MOV10L1: variants seen among roughly 807,000 people sequenced by gnomAD.
The protein encoded by MOV10L1 is Mov10 like RNA helicase 1.
A neutral mutation model predicts 143.8 loss-of-function variants in MOV10L1; 110 were observed. The observed-to-expected ratio is 0.76, with a 90% CI of 0.66 to 0.90. The LOEUF (loss-of-function observed/expected upper bound fraction) is 0.90. MOV10L1 is among the 40% of genes least tolerant of loss of function. The probability of loss-of-function intolerance (pLI) is 0.00; values close to 1 mark genes in which losing one functional copy is unlikely to be tolerated. For missense variants in MOV10L1, 1,406 were observed against 1,526.8 expected, an observed-to-expected ratio of 0.92 and a Z score of 1.32; for synonymous variants, 593 against 581.1, an observed-to-expected ratio of 1.02 and a Z score of -0.29.
chr22:50,122,630 G>A (rs973136955), intron 10 of MOV10L1, among the ~76,000 whole-genome samples: 1 of 152,136 alleles, frequency 6.6e-6, no homozygotes, highest in African/African-American at 2.4e-5. Context: ...GGAAGTTCCT[G>A]ATCTTATGGG....
Position 50,114,398 on chromosome 22 carries a change from C to T in MOV10L1, c.902C>T (p.Pro301Leu). The T allele has an allele frequency of 3.1e-6, 5 of 1,613,990 alleles. 1 individual carries two copies. The Middle Eastern group carries it at 6.6e-4, about 213-fold the overall frequency. Residue 301 changes from proline (P) to leucine (L), a missense_variant, in exon 7 of 27, where the codon CCT becomes CTT. By Grantham distance (98) the Pro-to-Leu change is moderately conservative. Transcript: ENST00000262794. ...TTTTCCAGGAATAAAGGAGACATTCCTCAAAACTTAGTCAGCTGTAAACTG... is the reference window on the plus strand; with the variant it reads ...TTTTCCAGGAATAAAGGAGACATTCTTCAAAACTTAGTCAGCTGTAAACTG... ...VIWIENKGDI[P>L]QNLVSCKLAG...
chr22:50,130,948 G>C (rs181665182), intron 13 of MOV10L1, among the ~76,000 whole-genome samples: 1 of 152,138 alleles, frequency 6.6e-6, no homozygotes, highest in Admixed American at 6.5e-5. Flanking sequence ...CCAGGCTGGA[G>C]TGCAGTGGCA....
At position 50,126,367 on chromosome 22, in the gene MOV10L1, C is replaced by T. The variant is rs2062506656; in HGVS notation, c.1818+95C>T. ...TCCCCACGGCTCTTGGGGAGATGCT[C>T]CCATATGCATTGGCTATTTTGGAAA... On this transcript the variant is annotated intron_variant, in intron 12 of 26. Transcript: ENST00000262794. 4 of 830,046 alleles carry T rather than the reference C, an allele frequency of 4.8e-6. No homozygotes were observed. In the Admixed American group the frequency reaches 1.0e-4, roughly 21 times the overall value. The allele number at this position is 830,046 out of a possible 1,614,324, so 51.4% of individuals were successfully genotyped here.
intron 19 of MOV10L1, among the ~76,000 whole-genome samples, chr22:50,148,584 G>A (rs1380144869): frequency 6.6e-6 from 1 of 152,256 alleles, no homozygotes; most frequent in Non-Finnish European, 1.5e-5. Flanking sequence ...GGGCTGCTCT[G>A]TAGCTGGGAA....
Position 50,112,386 on chromosome 22 carries a change from C to G in MOV10L1, c.744-1262C>G, listed in dbSNP as rs188203951. On this transcript the variant is annotated intron_variant, in intron 5 of 26. Coordinates refer to ENST00000262794, the MANE Select transcript of MOV10L1 (RefSeq NM_018995.3). The stretch of plus-strand genomic sequence containing the variant: ...ACTCCTCAGGCTTCCTGTCTGTTCT[C>G]TGACCTCATCCCCAGGCAGAAGCTG... 2.1e-3 allele frequency among the ~76,000 whole-genome samples: 318 copies of G among 152,336 alleles called. No individual in the cohort carries two copies. In the Middle Eastern group the frequency reaches 0.024, roughly 11 times the overall value.
At chr22:50,095,540 T>A (rs1166353047) in intron 2 of MOV10L1, 1 of 152,208 alleles carries the variant, frequency 6.6e-6, no homozygotes, top group Non-Finnish European at 1.5e-5. Flanking sequence ...AGAGATGATG[T>A]TTACCTCATT....
intron 5 of MOV10L1, among the ~76,000 whole-genome samples, chr22:50,109,505 T>TA (rs1353833322): frequency 3.3e-5 from 5 of 150,812 alleles, no homozygotes; most frequent in Non-Finnish European, 5.9e-5. Context: ...CCGTGTCTAC[T>TA]AAAAAAATAC....
chr22:50,125,155 C>T (rs554598383), intron 10 of MOV10L1, among the ~76,000 whole-genome samples: 14 of 152,268 alleles, frequency 9.2e-5, no homozygotes, highest in Non-Finnish European at 1.5e-4. Flanking sequence ...GGAGGGACAC[C>T]GCCAGCTGGA....
chr22:50,136,100 A>G (rs751928514), intron 15 of MOV10L1, among the ~76,000 whole-genome samples: 4 of 152,214 alleles, frequency 2.6e-5, no homozygotes, highest in African/African-American at 4.8e-5. Context: ...AAATACGACA[A>G]ATGAAGCAGC....
intron 9 of MOV10L1, 55 bp downstream of exon 9, chr22:50,117,406 A>G: frequency 6.3e-7 from 1 of 1,579,670 alleles, no homozygotes; most frequent in Non-Finnish European, 8.6e-7. Flanking sequence ...TCTGTGAAGG[A>G]AAAGCGGACG....
rs1230259895 is a variant in MOV10L1 at position 50,142,250 on chromosome 22, G to A, written c.2179+61G>A. ...CTGAGACTGTCGCCTGGAAAACGGGGACTTTGAGGAGTGGGCTCTCATGCA... is the reference window on the plus strand; with the variant it reads ...CTGAGACTGTCGCCTGGAAAACGGGAACTTTGAGGAGTGGGCTCTCATGCA... On this transcript the variant is annotated intron_variant, in intron 16 of 26. Transcript: ENST00000262794. 6.4e-6 allele frequency: 9 copies of A among 1,399,052 alleles called. No homozygotes were observed. The South Asian group carries it at 8.9e-5, about 14-fold the overall frequency. 86.7% of individuals were successfully genotyped at this position (1,399,052 alleles called of 1,614,324 possible). A position where few individuals can be genotyped will look rare whatever the true frequency, so the allele number is the denominator to read the frequency against.
chr22:50,144,828 G>C (rs71316586), intron 18 of MOV10L1, among the ~76,000 whole-genome samples: 13 of 152,046 alleles, frequency 8.6e-5, no homozygotes, highest in Non-Finnish European at 1.6e-4. Flanking sequence ...TGATCTGCCC[G>C]CCTCGGCCTC....
chr22:50,149,601 C>T lies in MOV10L1; in HGVS notation c.2628-14C>T. The T allele has an allele frequency of 1.2e-6, 2 of 1,613,238 alleles. No individual in the cohort carries two copies. On this transcript the variant is annotated splice_polypyrimidine_tract_variant and intron_variant, in intron 19 of 26. Transcript: ENST00000262794. ...ATTCGGCAGAAATTACCATTTAGAA[C>T]ATCTTTGCTCTAGAGTTGGGCACTT...
chr22:50,158,432 T>C lies in MOV10L1; in HGVS notation c.3216+226T>C. On this transcript the variant is annotated intron_variant, in intron 23 of 26. Coordinates refer to ENST00000262794, the MANE Select transcript of MOV10L1 (RefSeq NM_018995.3). The surrounding 1 kb of genome is among the most constrained non-coding windows in gnomAD (Gnocchi z 5.0). The stretch of plus-strand genomic sequence containing the variant: ...TTTCTACGGCCAGAGCCTCGAACAG[T>C]TTTTACATTTCTAAATGGTTACATT... The C allele has an allele frequency of 1.9e-6, 1 of 537,750 alleles. No individual in the cohort carries two copies. 33.3% of individuals were successfully genotyped at this position (537,750 alleles called of 1,614,324 possible).
rs540038775 is a variant in MOV10L1 at position 50,092,159 on chromosome 22, G to A, written c.256G>A (p.Val86Met). 22 of 1,614,010 alleles carry A rather than the reference G, an allele frequency of 1.4e-5. No homozygotes were observed. Among genetic ancestry groups the A allele is most frequent in the Admixed American group, 6.7e-5 (4 of 59,982 alleles). Reference protein sequence around the residue: ...EVIAVVEENKVSNGLKAIRVE... With the variant: ...EVIAVVEENKMSNGLKAIRVE... ...GATTGCAGTTGTGGAAGAAAATAAA[G>A]TGTCCAATGGACTGAAAGCAATCAG... Residue 86 changes from valine to methionine, a missense_variant, in exon 2 of 27, where the codon GTG becomes ATG. By Grantham distance (21) the Val-to-Met change is conservative (BLOSUM62 1). This residue lies in a region of MOV10L1 where 166 missense variants were observed against 153.9 expected (regional missense o/e 1.08). Transcript: ENST00000262794.
intron 11 of MOV10L1, 92 bp downstream of exon 11, chr22:50,125,661 C>A: frequency 2.4e-6 from 3 of 1,248,074 alleles, no homozygotes; most frequent in Non-Finnish European, 2.2e-6. Context: ...ATGACAGTCA[C>A]ATTATCGCAT....
intron 2 of MOV10L1, chr22:50,096,296 AT>A (rs2062587523): frequency 6.6e-6 from 1 of 152,206 alleles, no homozygotes; most frequent in Non-Finnish European, 1.5e-5. Context: ...TGTTTTCAAG[AT>A]TTGCCCATGT....
chr22:50,108,127 C>CGGTT lies in MOV10L1; in HGVS notation c.443-8_443-5dup, dbSNP rs1279564592. On this transcript the variant is annotated splice_polypyrimidine_tract_variant and intron_variant, in intron 3 of 26. Transcript: ENST00000262794. ...AACACTACCATGGCTTTTTTCCTGG[C>CGGTT]GGTTTTAGGCTTCGAGCCCTGCAAG... is the stretch of plus-strand genomic sequence containing the variant. 4 of 1,610,722 alleles carry CGGTT rather than the reference C, an allele frequency of 2.5e-6. No homozygotes were observed. In the African/African-American group the frequency reaches 5.4e-5, roughly 22 times the overall value.
Position 50,142,151 on chromosome 22 carries a change from C to T in MOV10L1, c.2141C>T (p.Pro714Leu), listed in dbSNP as rs183269282. ...AGGCGTGTTGGTGACAAGGACCTGC[C>T]GGTGCTGGCACCCTTTACTGCAGAG... The part of the protein sequence containing the change: ...EERRVGDKDL[P>L]VLAPFTAEMS... Residue 714 changes from proline to leucine, a missense_variant, in exon 16 of 27, where the codon CCG becomes CTG. By Grantham distance (98) the Pro-to-Leu change is moderately conservative. Coordinates refer to ENST00000262794, the MANE Select transcript of MOV10L1 (RefSeq NM_018995.3). The T allele has an allele frequency of 2.0e-5, 33 of 1,613,192 alleles. 1 individual carries two copies. The highest frequency in any genetic ancestry group is 2.0e-4 in the East Asian group (9 of 44,766).
Sources: gnomAD v4.1 joint callset for allele counts (sites outside exome capture counted in the v4.1 genomes callset) on GRCh38, gnomAD v4.1.1 for gene constraint, gnomAD v4.1.1 regional missense constraint, Gnocchi (gnomAD v3.1) non-coding constraint, MANE v1.5 for transcripts, NCBI Gene and HGNC (gene_info 2026-07-23, HGNC 2026-07-21) for gene names.